BCR: variants seen among roughly 807,000 people sequenced by gnomAD.
BCR encodes the protein BCR activator of RhoGEF and GTPase.
BCR carries 58 observed loss-of-function variants against 138.6 expected under a neutral mutation model. The observed-to-expected ratio is 0.42, with a 90% CI of 0.34 to 0.52. The LOEUF (loss-of-function observed/expected upper bound fraction) is 0.52. Ranked by LOEUF, BCR falls within the 20% of genes least tolerant of loss-of-function variation. The pLI is 0.06. For missense variants in BCR, 1,599 were observed against 1,727.2 expected, an observed-to-expected ratio of 0.93 and a Z score of 1.32; for synonymous variants, 786 against 730.1, an observed-to-expected ratio of 1.08 and a Z score of -1.23.
In BCR at chr22:23,251,511, G is replaced by A. The variant is rs529823562; in HGVS notation, c.1280-2288G>A. Reference sequence around the variant, plus strand: ...AGGTGTGCAAGGAAGCCGGAACTTCGGCCACCTGCACCCACAGCTAGTGGC... The same window carrying A: ...AGGTGTGCAAGGAAGCCGGAACTTCAGCCACCTGCACCCACAGCTAGTGGC... On this transcript the variant is annotated intron_variant, in intron 1 of 22. Coordinates refer to ENST00000305877, the MANE Select transcript of BCR (RefSeq NM_004327.4). Among the ~76,000 whole-genome samples the A allele has an allele frequency of 2.5e-4, 38 of 152,278 alleles. No homozygotes were observed. The South Asian group carries it at 6.2e-3, about 25-fold the overall frequency.
intron 15 of BCR, among the ~76,000 whole-genome samples, chr22:23,294,436 T>C (rs979031717): frequency 5.3e-5 from 8 of 152,228 alleles, no homozygotes; most frequent in African/African-American, 1.9e-4. Flanking sequence ...AGTCTCACAC[T>C]GTTGGCCAGC....
rs566674386 is a variant in BCR, at chr22:23,187,447, T to G, written c.1279+5208T>G. The stretch of plus-strand genomic sequence containing the variant: ...CTGTCTTATTTGTGTTGCAGCTGGC[T>G]CGATATCAGTTGGGACAGCAGACGT... On this transcript the variant is annotated intron_variant, in intron 1 of 22. Transcript: ENST00000305877. 2.0e-5 allele frequency among the ~76,000 whole-genome samples: 3 copies of G among 151,942 alleles called. No homozygotes were observed. In the East Asian group the frequency reaches 5.8e-4, roughly 29 times the overall value.
chr22:23,240,858 A>G (rs535198114), intron 1 of BCR, among the ~76,000 whole-genome samples: 3 of 152,018 alleles, frequency 2.0e-5, no homozygotes, highest in African/African-American at 7.2e-5. Context: ...CCAGCACCTC[A>G]CAACCCCCTT....
intron 1 of BCR, among the ~76,000 whole-genome samples, chr22:23,182,451 G>A (rs1236072875): frequency 6.6e-6 from 1 of 152,242 alleles, no homozygotes; most frequent in Non-Finnish European, 1.5e-5. Flanking sequence ...ATGGAATTGG[G>A]TTGAGGATGG....
chr22:23,311,946 T>C (rs2146329421), intron 19 of BCR, 110 bp downstream of exon 19: 1 of 1,484,690 alleles, frequency 6.7e-7, no homozygotes. Flanking sequence ...CTGTGTCTTT[T>C]CTTCATTTAC....
intron 1 of BCR, among the ~76,000 whole-genome samples, chr22:23,202,263 A>G (rs1302234436): frequency 6.6e-6 from 1 of 152,132 alleles, no homozygotes; most frequent in Non-Finnish European, 1.5e-5. Context: ...AAAGCAGCCA[A>G]TTTAATGGGT....
At chr22:23,274,681 G>A (rs574620476) in intron 8 of BCR, among the ~76,000 whole-genome samples, 2 of 152,062 alleles carry the variant, frequency 1.3e-5, no homozygotes, top group African/African-American at 4.8e-5. Context: ...AGGCCTAGGC[G>A]GGTGGATCAG....
intron 1 of BCR, among the ~76,000 whole-genome samples, chr22:23,215,063 CAT>C (rs962191833): frequency 2.0e-5 from 3 of 152,218 alleles, no homozygotes; most frequent in African/African-American, 7.2e-5. Context: ...CTAGAGACCT[CAT>C]ATGAGTGGAG....
At chr22:23,261,307 G>A (rs368708130) in intron 3 of BCR, 48 bp from the exon 4 acceptor site, 2 of 1,570,244 alleles carry the variant, frequency 1.3e-6, no homozygotes, top group African/African-American at 1.4e-5. Context: ...GCACCTGACG[G>A]ATGGCAGCCC....
rs571882020 is a variant in BCR at position 23,317,888 on chromosome 22, G to A, written c.*2366G>A. The stretch of plus-strand genomic sequence containing the variant: ...GGCGTGGCTTCCAGACTCCCCGGCC[G>A]GAAGTGATGCTTTTTTGCCTTGGGC... On this transcript the variant is annotated 3_prime_UTR_variant, in exon 23 of 23. Transcript: ENST00000305877. 1.2e-4 allele frequency: 17 copies of A among 145,356 alleles called. No homozygotes were observed. Among genetic ancestry groups the A allele is most frequent in the South Asian group, 1.1e-3 (4 of 3,796 alleles). 9.0% of individuals were successfully genotyped at this position (145,356 alleles called of 1,614,324 possible).
chr22:23,310,021 A>C, intron 17 of BCR: 1 of 422,168 alleles, frequency 2.4e-6, no homozygotes, highest in Admixed American at 3.6e-5. Context: ...GGAACCCAAG[A>C]GTTCGATTAC....
intron 16 of BCR, among the ~76,000 whole-genome samples, chr22:23,303,481 C>T (rs184676762): frequency 2.2e-3 from 338 of 152,290 alleles, no homozygotes; most frequent in Admixed American, 3.2e-3. Flanking sequence ...GGGGGGCATT[C>T]CGAGATGAAT....
intron 1 of BCR, among the ~76,000 whole-genome samples, chr22:23,240,104 A>G (rs1230835135): frequency 6.6e-6 from 1 of 151,736 alleles, no homozygotes; most frequent in Non-Finnish European, 1.5e-5. Context: ...CCACCACGCC[A>G]GGCCACCTCT....
chr22:23,217,416 GCT>G (rs1174072971), intron 1 of BCR, among the ~76,000 whole-genome samples: 1 of 152,216 alleles, frequency 6.6e-6, no homozygotes, highest in Non-Finnish European at 1.5e-5. Flanking sequence ...AAGCTCTGGT[GCT>G]CTCTCTTCGC....
rs371986661 is a variant in BCR, at chr22:23,252,427, C to CTTTTTTTTTTTTTT, written c.1280-1368_1280-1367insTTTTTTTTTTTTTT. ...TTGGGTTTCCCTTTCTTTTTCTTTTCTTTTCTTTTTTTTTTTTTTTTGAGA... is the reference window on the plus strand; with the variant it reads ...TTGGGTTTCCCTTTCTTTTTCTTTTCTTTTTTTTTTTTTTTTTTCTTTTTTTTTTTTTTTTGAGA... On this transcript the variant is annotated intron_variant, in intron 1 of 22. Transcript: ENST00000305877. Among the ~76,000 whole-genome samples, 62 of 119,502 alleles carry CTTTTTTTTTTTTTT rather than the reference C, an allele frequency of 5.2e-4. 1 individual carries two copies. The highest frequency in any genetic ancestry group is 6.3e-4 in the Non-Finnish European group (38 of 59,912). 78.4% of individuals were successfully genotyped at this position (119,502 alleles called of 152,430 possible).
intron 1 of BCR, among the ~76,000 whole-genome samples, chr22:23,186,147 A>G (rs530610456): frequency 6.6e-6 from 1 of 152,356 alleles, no homozygotes; most frequent in East Asian, 1.9e-4. Flanking sequence ...GCAGGACTGA[A>G]GAGGACTTGA....
At chr22:23,279,263 G>A (rs1045815230) in intron 8 of BCR, among the ~76,000 whole-genome samples, 1 of 152,200 alleles carries the variant, frequency 6.6e-6, no homozygotes, top group Admixed American at 6.5e-5. Flanking sequence ...AAACTTTCTC[G>A]GCCAGATTGG....
chr22:23,186,622 A>G (rs147200050), intron 1 of BCR, among the ~76,000 whole-genome samples: 1 of 152,282 alleles, frequency 6.6e-6, no homozygotes, highest in African/African-American at 2.4e-5. Flanking sequence ...TAGATACCTC[A>G]TGTAAGTCCA....
intron 1 of BCR, among the ~76,000 whole-genome samples, chr22:23,206,834 T>C (rs114094223): frequency 0.011 from 1,673 of 152,086 alleles, 30 homozygotes; most frequent in African/African-American, 0.039. Context: ...ATTTATCTAT[T>C]TATCTATCCA....
Sources: allele counts gnomAD v4.1 joint callset (sites outside exome capture counted in the v4.1 genomes callset), GRCh38; gene constraint gnomAD v4.1.1; transcripts MANE v1.5; gene names NCBI Gene and HGNC (gene_info 2026-07-23, HGNC 2026-07-21).